Variants in MIS18A observed in about 807,000 individuals in gnomAD.
MIS18A encodes protein Mis18-alpha.
In MIS18A, 14 loss-of-function variants were observed where a neutral mutation model predicts 25.0. The ratio of observed to expected loss-of-function variants is 0.56; its 90% CI spans 0.37 to 0.88. MIS18A has a LOEUF of 0.88. MIS18A is among the 40% of genes least tolerant of loss of function. MIS18A has a pLI of 0.00. For missense variants in MIS18A, 292 were observed against 290.8 expected, an observed-to-expected ratio of 1.00 and a Z score of -0.03; for synonymous variants, 134 against 118.6, an observed-to-expected ratio of 1.13 and a Z score of -0.84.
the MIS18A span, among the ~76,000 whole-genome samples, chr21:32,157,196 C>G: frequency 6.7e-6 from 1 of 149,342 alleles, no homozygotes; most frequent in Non-Finnish European, 1.5e-5. Flanking sequence ...GCTGGGATTA[C>G]CAGGCACCCG....
At chr21:32,218,233 A>C in the MIS18A span, among the ~76,000 whole-genome samples, 1 of 151,710 alleles carries the variant, frequency 6.6e-6, no homozygotes, top group Non-Finnish European at 1.5e-5. Flanking sequence ...AAATAATGAA[A>C]GAATCTGTCA....
chr21:32,221,195 T>C, the MIS18A span, among the ~76,000 whole-genome samples: 1 of 151,914 alleles, frequency 6.6e-6, no homozygotes, highest in African/African-American at 2.4e-5. Flanking sequence ...TCACCAAGGT[T>C]GAAATGAGGA....
At chr21:32,219,175 C>T in the MIS18A span, among the ~76,000 whole-genome samples, 10 of 151,974 alleles carry the variant, frequency 6.6e-5, no homozygotes, top group Non-Finnish European at 1.3e-4. Context: ...ATGCATTATT[C>T]GGGGGCTAGC....
intron 4 of MIS18A, 193 bp downstream of exon 4, chr21:32,269,514 C>T: frequency 1.9e-6 from 1 of 519,064 alleles, no homozygotes; most frequent in East Asian, 3.2e-5. Flanking sequence ...ACATGTCTTC[C>T]TCATTATTTT....
chr21:32,231,748 C>G, the MIS18A span, among the ~76,000 whole-genome samples: 1 of 152,098 alleles, frequency 6.6e-6, no homozygotes, highest in Admixed American at 6.5e-5. Context: ...CTCGTCTCTA[C>G]TAAAAATACA....
chr21:32,229,154 C>A, the MIS18A span, among the ~76,000 whole-genome samples: 1 of 152,110 alleles, frequency 6.6e-6, no homozygotes, highest in Non-Finnish European at 1.5e-5. Context: ...GGGATTCTTA[C>A]AAAACCTGTG....
chr21:32,248,437 T>G, the MIS18A span, among the ~76,000 whole-genome samples: 4 of 152,190 alleles, frequency 2.6e-5, no homozygotes, highest in African/African-American at 7.2e-5. Flanking sequence ...CCCTGAGCGC[T>G]CAGCTAGGAG....
In MIS18A at chr21:32,278,680, C is replaced by T. The variant is rs2031866504; in HGVS notation, c.334+1G>A. The T allele has an allele frequency of 6.5e-7, 1 of 1,544,110 alleles. No individual in the cohort carries two copies. Among genetic ancestry groups the T allele is most frequent in the Admixed American group, 1.9e-5 (1 of 52,772 alleles). On this transcript the variant is annotated splice_donor_variant, in intron 1 of 4. Transcript: ENST00000290130. LOFTEE classifies it high-confidence loss of function. The stretch of plus-strand genomic sequence containing the variant: ...CCCCTGCCCGGCTCGACCCAACTGA[C>T]AGCGAAGCAGGATGCAGTTGGTGTC...
At chr21:32,228,043 C>G in the MIS18A span, among the ~76,000 whole-genome samples, 1 of 152,082 alleles carries the variant, frequency 6.6e-6, no homozygotes, top group African/African-American at 2.4e-5. Flanking sequence ...TTTCCTCAAC[C>G]TCATAAAGGG....
At chr21:32,181,015 G>A in the MIS18A span, among the ~76,000 whole-genome samples, 2 of 152,108 alleles carry the variant, frequency 1.3e-5, no homozygotes, top group Non-Finnish European at 2.9e-5. Flanking sequence ...ATTATTTCTG[G>A]GTGTGTCTGG....
At chr21:32,189,956 C>T in the MIS18A span, among the ~76,000 whole-genome samples, 18 of 152,308 alleles carry the variant, frequency 1.2e-4, 2 homozygotes, top group South Asian at 3.5e-3. Flanking sequence ...AACAAATACT[C>T]ACACAAGGAA....
the MIS18A span, among the ~76,000 whole-genome samples, chr21:32,259,218 A>G: frequency 1.3e-5 from 2 of 152,096 alleles, no homozygotes; most frequent in Non-Finnish European, 2.9e-5. Flanking sequence ...CCACCCTGAG[A>G]GTGGCCAGGG....
the MIS18A span, among the ~76,000 whole-genome samples, chr21:32,228,654 G>A: frequency 6.6e-6 from 1 of 152,088 alleles, no homozygotes; most frequent in Non-Finnish European, 1.5e-5. Flanking sequence ...GCTAATAAAC[G>A]AGTTCAGCAA....
At chr21:32,158,748 T>C in the MIS18A span, among the ~76,000 whole-genome samples, 1 of 152,236 alleles carries the variant, frequency 6.6e-6, no homozygotes, top group African/African-American at 2.4e-5. Context: ...GGGCTAGAAT[T>C]ACAGGCATGA....
chr21:32,245,581 C>T, the MIS18A span, among the ~76,000 whole-genome samples: 1 of 152,150 alleles, frequency 6.6e-6, no homozygotes, highest in Non-Finnish European at 1.5e-5. Context: ...TTCTTGGTGG[C>T]AGGGCCAAAG....
the MIS18A span, among the ~76,000 whole-genome samples, chr21:32,262,689 G>A: frequency 4.3e-3 from 649 of 152,270 alleles, 7 homozygotes; most frequent in African/African-American, 0.015. Flanking sequence ...CTTAAAATTA[G>A]ATAAGAGAAG....
chr21:32,223,726 T>C, the MIS18A span, among the ~76,000 whole-genome samples: 2 of 152,336 alleles, frequency 1.3e-5, no homozygotes, highest in African/African-American at 4.8e-5. Flanking sequence ...CCATTCCTTC[T>C]GAAACTATTC....
chr21:32,178,330 T>C, the MIS18A span, among the ~76,000 whole-genome samples: 54 of 152,324 alleles, frequency 3.5e-4, no homozygotes, highest in Non-Finnish European at 6.8e-4. Context: ...AAATTAGACA[T>C]TATTGCTGTC....
the MIS18A span, among the ~76,000 whole-genome samples, chr21:32,216,537 T>C: frequency 2.0e-5 from 3 of 152,344 alleles, no homozygotes; most frequent in Admixed American, 1.3e-4. Flanking sequence ...GGGCAAATAA[T>C]AGGCCAACCA....
Sources: allele counts gnomAD v4.1 joint callset (sites outside exome capture counted in the v4.1 genomes callset), GRCh38; gene constraint gnomAD v4.1.1; transcripts MANE v1.5; gene names NCBI Gene and HGNC (gene_info 2026-07-23, HGNC 2026-07-21).